The following ABHD12B variants were observed in gnomAD, a reference collection of about 807,000 sequenced individuals.
ABHD12B encodes the protein abhydrolase domain containing 12B, also known as protein ABHD12B.
Under a neutral mutation model 50.4 loss-of-function variants are expected in ABHD12B, and 42 were observed. The ratio of observed to expected loss-of-function variants is 0.83; its 90% confidence interval spans 0.65 to 1.08. The LOEUF (loss-of-function observed/expected upper bound fraction) is 1.08, where lower values mean the gene tolerates loss of function less well. Ranked by LOEUF, ABHD12B falls within the 50% of genes least tolerant of loss-of-function variation. ABHD12B has a pLI of 0.00. For synonymous variants in ABHD12B, 167 were observed against 160.3 expected, an observed-to-expected ratio of 1.04 and a Z score of -0.32; for missense variants, 479 against 447.7, an observed-to-expected ratio of 1.07 and a Z score of -0.63.
At chr14:50,885,171 C>T (rs74647204) in intron 5 of ABHD12B, among the ~76,000 whole-genome samples, 1,722 of 152,248 alleles carry the variant, frequency 0.011, 32 homozygotes, top group African/African-American at 0.039. Context: ...TCCTGCTCTC[C>T]GTCTCTCCCA....
chr14:50,883,961 A>G (rs1416231724), intron 5 of ABHD12B, among the ~76,000 whole-genome samples: 1 of 136,946 alleles, frequency 7.3e-6, no homozygotes, highest in Non-Finnish European at 1.6e-5. Flanking sequence ...CTATGATTGT[A>G]TCTATATATA....
intron 1 of ABHD12B, among the ~76,000 whole-genome samples, chr14:50,875,963 G>A (rs1465170124): frequency 6.6e-6 from 1 of 152,198 alleles, no homozygotes; most frequent in South Asian, 2.1e-4. Context: ...GCAGGGTGGA[G>A]GTGAGTGAGG....
intron 5 of ABHD12B, among the ~76,000 whole-genome samples, chr14:50,883,167 A>C (rs1040446329): frequency 4.6e-5 from 7 of 152,088 alleles, no homozygotes; most frequent in Non-Finnish European, 1.0e-4. Context: ...AACTGGTTGA[A>C]CAAGCTGCCT....
intron 1 of ABHD12B, among the ~76,000 whole-genome samples, chr14:50,876,171 T>C (rs1343854815): frequency 1.3e-5 from 2 of 152,248 alleles, no homozygotes; most frequent in African/African-American, 4.8e-5. Flanking sequence ...GGTGCTATTT[T>C]AAAGTATTAT....
In ABHD12B at chr14:50,885,900, G is replaced by A; in HGVS notation, c.662+5G>A. 1 of 1,613,946 alleles carries A rather than the reference G, an allele frequency of 6.2e-7. No individual in the cohort carries two copies. Among genetic ancestry groups the A allele is most frequent in the Non-Finnish European group, 8.5e-7 (1 of 1,179,982 alleles). ...GGGCCACTCTCTGGGTACAGGGTAA[G>A]TGAGATCTGCAAATGTGTCCTTAGG... On this transcript the variant is annotated splice_donor_5th_base_variant and intron_variant, in intron 7 of 12. Transcript: ENST00000337334.
At chr14:50,897,518 G>T (rs547988279) in intron 9 of ABHD12B, among the ~76,000 whole-genome samples, 9 of 152,326 alleles carry the variant, frequency 5.9e-5, no homozygotes, top group African/African-American at 2.2e-4. Context: ...TGTTTGCATG[G>T]TATAGGTTTT....
intron 1 of ABHD12B, among the ~76,000 whole-genome samples, chr14:50,872,581 C>T (rs2049802241): frequency 6.6e-6 from 1 of 152,156 alleles, no homozygotes; most frequent in African/African-American, 2.4e-5. Context: ...GGTTGAATTC[C>T]TACACCAATC....
In ABHD12B at chr14:50,890,132, TTAATA is replaced by T. The variant is rs544129373; in HGVS notation, c.780+1238_780+1242del. ...TGGTTCTAGAAACTGAACATTCATT[TTAATA>T]TAATATAACCATTAATTGCATATCT... On this transcript the variant is annotated intron_variant, in intron 9 of 12. Coordinates refer to ENST00000337334, the MANE Select transcript of ABHD12B (RefSeq NM_001206673.2). 1.9e-3 allele frequency among the ~76,000 whole-genome samples: 283 copies of T among 152,372 alleles called. 1 individual carries two copies. The highest frequency in any genetic ancestry group is 5.0e-3 in the African/African-American group (210 of 41,596).
At chr14:50,882,910 G>A (rs2049977773) in intron 5 of ABHD12B, among the ~76,000 whole-genome samples, 1 of 142,534 alleles carries the variant, frequency 7.0e-6, no homozygotes, top group Admixed American at 7.5e-5. Context: ...GTTTGAGGCT[G>A]CAATAAGCTA....
chr14:50,895,091 T>C (rs2050178597), intron 9 of ABHD12B, among the ~76,000 whole-genome samples: 1 of 149,924 alleles, frequency 6.7e-6, no homozygotes, highest in Non-Finnish European at 1.5e-5. Context: ...CTCTTTTTCA[T>C]CAAATATAAA....
At chr14:50,880,681 A>C in intron 4 of ABHD12B, 110 bp downstream of exon 4, 1 of 1,231,326 alleles carries the variant, frequency 8.1e-7, no homozygotes, top group East Asian at 2.8e-5. Flanking sequence ...ATGCCTTCAC[A>C]TATTTCTTCT....
In ABHD12B at chr14:50,872,118, G is replaced by C. The variant is rs2049792075; in HGVS notation, c.-57G>C. Reference sequence around the variant, plus strand: ...CCGCCGGGGCGGGAAGGTCGCGGGCGGCTGCTCCGGACTGCAGCTCCCGCG... The same window carrying C: ...CCGCCGGGGCGGGAAGGTCGCGGGCCGCTGCTCCGGACTGCAGCTCCCGCG... On this transcript the variant is annotated 5_prime_UTR_variant, in exon 1 of 13. Transcript: ENST00000337334. 2 of 1,177,934 alleles carry C rather than the reference G, an allele frequency of 1.7e-6. No individual in the cohort carries two copies. Among genetic ancestry groups the C allele is most frequent in the East Asian group, 3.5e-5 (1 of 28,494 alleles). 73.0% of individuals were successfully genotyped at this position (1,177,934 alleles called of 1,614,324 possible).
intron 4 of ABHD12B, 96 bp from the exon 5 acceptor site, chr14:50,881,500 A>T: frequency 7.4e-7 from 1 of 1,344,408 alleles, no homozygotes; most frequent in Non-Finnish European, 1.0e-6. Context: ...AAGGCGTGAG[A>T]TCAGATACCA....
chr14:50,885,216 C>G (rs1169658328), intron 5 of ABHD12B, among the ~76,000 whole-genome samples: 1 of 152,158 alleles, frequency 6.6e-6, no homozygotes, highest in African/African-American at 2.4e-5. Flanking sequence ...AAGTCAAACA[C>G]CAGATTTCAA....
chr14:50,887,245 TATC>T (rs2050054772), intron 8 of ABHD12B, among the ~76,000 whole-genome samples: 1 of 137,510 alleles, frequency 7.3e-6, no homozygotes, highest in African/African-American at 2.7e-5. Flanking sequence ...CTCCTAGTGA[TATC>T]ATATTAATTT....
chr14:50,900,924 G>A (rs1001499079), intron 9 of ABHD12B, among the ~76,000 whole-genome samples: 4 of 152,190 alleles, frequency 2.6e-5, no homozygotes, highest in African/African-American at 4.8e-5. Context: ...TGATTTGCAC[G>A]TTAAAATAAT....
intron 3 of ABHD12B, among the ~76,000 whole-genome samples, chr14:50,879,405 G>A (rs550921820): frequency 6.6e-6 from 1 of 152,342 alleles, no homozygotes; most frequent in Non-Finnish European, 1.5e-5. Context: ...GCTTCAGCAG[G>A]TGATAGACTT....
chr14:50,884,443 C>T (rs190472105), intron 5 of ABHD12B, among the ~76,000 whole-genome samples: 2 of 152,262 alleles, frequency 1.3e-5, no homozygotes, highest in East Asian at 1.9e-4. Flanking sequence ...TTTTGCCACC[C>T]GGATATAAAA....
At chr14:50,889,335 CT>C (rs2050085762) in intron 9 of ABHD12B, among the ~76,000 whole-genome samples, 1 of 152,066 alleles carries the variant, frequency 6.6e-6, no homozygotes, top group African/African-American at 2.4e-5. Flanking sequence ...TGAAGACAAA[CT>C]TTCTAAGAAA....
Sources: gnomAD v4.1 joint callset for allele counts (sites outside exome capture counted in the v4.1 genomes callset) on GRCh38, gnomAD v4.1.1 for gene constraint, MANE v1.5 for transcripts, NCBI Gene and HGNC (gene_info 2026-07-23, HGNC 2026-07-21) for gene names.